The following FAM53A variants were observed in gnomAD, a reference collection of about 807,000 sequenced individuals.
FAM53A encodes family with sequence similarity 53 member A.
In FAM53A, 28 loss-of-function variants were observed where a neutral mutation model predicts 26.6. The ratio of observed to expected loss-of-function variants is 1.05; its 90% CI spans 0.78 to 1.45. The LOEUF is 1.45. Among genes scored for constraint, FAM53A ranks in the 40% most tolerant of loss-of-function variants. The pLI, the probability that FAM53A is intolerant of heterozygous loss-of-function variation, is 0.00. For synonymous variants in FAM53A, 290 were observed against 253.1 expected (o/e 1.15, Z -1.38); for missense variants, 650 against 575.8 (o/e 1.13, Z -1.32).
At chr4:1,605,999 G>C in the FAM53A span, among the ~76,000 whole-genome samples, 1 of 151,536 alleles carries the variant, frequency 6.6e-6, no homozygotes, top group Non-Finnish European at 1.5e-5. This position sits in a 1 kb window ranked among gnomAD's most constrained non-coding sequence, Gnocchi z 5.7. Flanking sequence ...CAGGGCCTGT[G>C]CCAGGAATTC....
chr4:1,585,292 T>C, the FAM53A span, among the ~76,000 whole-genome samples: 1 of 79,022 alleles, frequency 1.3e-5, no homozygotes, highest in Non-Finnish European at 2.5e-5. Flanking sequence ...TTTTTTTTTT[T>C]TTTTTTTGGA....
chr4:1,580,558 A>AGGCCCCG, the FAM53A span, among the ~76,000 whole-genome samples: 13 of 67,596 alleles, frequency 1.9e-4, no homozygotes, highest in African/African-American at 2.9e-4. Context: ...GCCGGGCCCC[A>AGGCCCCG]CCTCCCGCCC....
the FAM53A span, among the ~76,000 whole-genome samples, chr4:1,604,202 T>A: frequency 1.3e-5 from 2 of 152,174 alleles, no homozygotes; most frequent in Non-Finnish European, 2.9e-5. Flanking sequence ...GGTCCCAGGC[T>A]GTGTGGATGG....
chr4:1,680,865 G>A (rs1251538859), intron 1 of FAM53A, among the ~76,000 whole-genome samples: 1 of 151,966 alleles, frequency 6.6e-6, no homozygotes, highest in Non-Finnish European at 1.5e-5. Context: ...GATTTTTAAG[G>A]CAGTGAAATT....
downstream of FAM53A, among the ~76,000 whole-genome samples, chr4:1,615,840 A>G (rs1210979757): frequency 2.0e-5 from 3 of 152,252 alleles, no homozygotes; most frequent in Non-Finnish European, 2.9e-5. Context: ...AGGACCATGC[A>G]CTTTTCTCCA....
the FAM53A span, among the ~76,000 whole-genome samples, chr4:1,593,912 C>A: frequency 6.6e-6 from 1 of 152,204 alleles, no homozygotes; most frequent in African/African-American, 2.4e-5. Context: ...AAGGACGGGG[C>A]AGGGTAACTC....
the FAM53A span, among the ~76,000 whole-genome samples, chr4:1,579,731 C>T: frequency 3.3e-5 from 5 of 152,190 alleles, no homozygotes; most frequent in Non-Finnish European, 5.9e-5. Context: ...CCACGCGTGT[C>T]CCCAGGGCGC....
intron 2 of FAM53A, among the ~76,000 whole-genome samples, chr4:1,660,893 AC>A (rs1713783515): frequency 6.6e-6 from 1 of 151,670 alleles, no homozygotes. Context: ...AAAAAAAAAA[AC>A]TAAAAGTTTT....
downstream of FAM53A, among the ~76,000 whole-genome samples, chr4:1,636,884 T>TGGGG (rs56041921): frequency 6.0e-5 from 9 of 150,726 alleles, no homozygotes; most frequent in Non-Finnish European, 1.0e-4. Flanking sequence ...CTGCTCTTGC[T>TGGGG]GGGGGGGGGT....
Position 1,641,420 on chromosome 4 carries a change from T to G in FAM53A, c.1070A>C (p.Glu357Ala). 1 of 1,611,658 alleles carries G rather than the reference T, an allele frequency of 6.2e-7. No homozygotes were observed. The highest frequency in any genetic ancestry group is 8.5e-7 in the Non-Finnish European group (1 of 1,179,094). Residue 357 changes from glutamate to alanine, a missense_variant, in exon 5 of 5, where the codon GAG becomes GCG. Glu to Ala is a moderately radical substitution (Grantham distance 107, BLOSUM62 -1). Transcript: ENST00000308132. ...GCGGGAGCCATCACTGGTCACCGACTCCCTAGAGGCCCACAGGTTGGGGTG... is the reference window on the plus strand; with the variant it reads ...GCGGGAGCCATCACTGGTCACCGACGCCCTAGAGGCCCACAGGTTGGGGTG... Reference protein sequence around the residue: ...PVHPNLWASRESVTSDGSRRS... With the variant: ...PVHPNLWASRASVTSDGSRRS...
chr4:1,612,452 C>T, the FAM53A span, among the ~76,000 whole-genome samples: 4 of 152,162 alleles, frequency 2.6e-5, no homozygotes, highest in Non-Finnish European at 5.9e-5. Context: ...GGGTGTGCTC[C>T]GCCCCCTCAG....
the FAM53A span, among the ~76,000 whole-genome samples, chr4:1,591,257 G>A: frequency 6.6e-6 from 1 of 151,858 alleles, no homozygotes; most frequent in South Asian, 2.1e-4. Flanking sequence ...TTCAACCTGT[G>A]AGTCTCTACT....
chr4:1,592,241 G>T, the FAM53A span, among the ~76,000 whole-genome samples: 4 of 152,128 alleles, frequency 2.6e-5, no homozygotes, highest in African/African-American at 9.7e-5. Flanking sequence ...TCTCGTGAAG[G>T]TTTTCTAAAT....
chr4:1,587,856 G>A, the FAM53A span, among the ~76,000 whole-genome samples: 2 of 151,916 alleles, frequency 1.3e-5, no homozygotes, highest in African/African-American at 4.8e-5. Flanking sequence ...TATAACCGTA[G>A]GCAATTTTAA....
rs571758699 is a variant in FAM53A at position 1,640,531 on chromosome 4, G to A, written c.*762C>T. On this transcript the variant is annotated 3_prime_UTR_variant, in exon 5 of 5. Coordinates refer to ENST00000308132, the MANE Select transcript of FAM53A (RefSeq NM_001174070.3). ...ATCCAAAATAGAGAAGCTTTCTCCC[G>A]AACTGCAAAAGCCATAAAAATGCAA... 17 of 314,334 alleles carry A rather than the reference G, an allele frequency of 5.4e-5. No individual in the cohort carries two copies. The highest frequency in any genetic ancestry group is 2.7e-4 in the East Asian group (2 of 7,334). 19.5% of individuals were successfully genotyped at this position (314,334 alleles called of 1,614,324 possible).
intron 4 of FAM53A, chr4:1,644,160 C>T (rs1367188285): frequency 3.7e-5 from 57 of 1,530,460 alleles, no homozygotes; most frequent in Non-Finnish European, 4.5e-5. Context: ...GCACTACACA[C>T]GCACCGGGGT....
intron 1 of FAM53A, among the ~76,000 whole-genome samples, chr4:1,671,326 G>C (rs113026832): frequency 2.2e-5 from 3 of 138,674 alleles, no homozygotes; most frequent in Non-Finnish European, 4.7e-5. Context: ...CTGTCCCAGC[G>C]TCAGAGCCCC....
At chr4:1,596,267 C>G in the FAM53A span, among the ~76,000 whole-genome samples, 1 of 152,252 alleles carries the variant, frequency 6.6e-6, no homozygotes, top group Non-Finnish European at 1.5e-5. Flanking sequence ...GCTGGCAGGT[C>G]CCCTCTACAT....
rs929164746 is a variant in FAM53A at position 1,626,847 on chromosome 4, C to T, written c.432-8736G>A. On this transcript the variant is annotated intron_variant, in intron 1 of 1. Coordinates refer to the FAM53A transcript ENST00000489029. ...ATCACAAACCCACCCACTGTTCATC[C>T]AACTGATTGAGCCCCTGGCCAGGGC... Among the ~76,000 whole-genome samples the T allele has an allele frequency of 3.1e-4, 47 of 152,202 alleles. 1 individual carries two copies. Among genetic ancestry groups the T allele is most frequent in the African/African-American group, 1.1e-3 (47 of 41,458 alleles).
Sources: allele counts gnomAD v4.1 joint callset (sites outside exome capture counted in the v4.1 genomes callset), GRCh38; gene constraint gnomAD v4.1.1; non-coding constraint Gnocchi (gnomAD v3.1); transcripts MANE v1.5; gene names NCBI Gene and HGNC (gene_info 2026-07-23, HGNC 2026-07-21).